The following ZEB2 variants were observed in gnomAD, a reference collection of about 807,000 sequenced individuals.
The protein encoded by ZEB2 is zinc finger E-box-binding homeobox 2.
A neutral mutation model predicts 99.9 loss-of-function variants in ZEB2; 6 were observed. The observed-to-expected ratio is 0.06, with a 90% CI of 0.03 to 0.12. The LOEUF (loss-of-function observed/expected upper bound fraction) is 0.12, where lower values mean the gene tolerates loss of function less well. Among genes scored for constraint, ZEB2 ranks in the 10% least tolerant of loss-of-function variants. ZEB2 has a pLI of 1.00. For missense variants in ZEB2, 969 were observed against 1,502.8 expected (o/e 0.64, Z 5.87); for synonymous variants, 517 against 542.5 (o/e 0.95, Z 0.65).
At position 144,396,554 on chromosome 2, in the gene ZEB2, G is replaced by A; in HGVS notation, c.2925C>T (p.Gly975=). 3.1e-6 allele frequency: 5 copies of A among 1,613,958 alleles called. No homozygotes were observed. Among genetic ancestry groups the A allele is most frequent in the Non-Finnish European group, 4.2e-6 (5 of 1,179,982 alleles). Residue 975 remains glycine (G), a synonymous_variant, in exon 9 of 10, where the codon GGC becomes GGT. Coordinates refer to ENST00000627532, the MANE Select transcript of ZEB2 (RefSeq NM_014795.4). The part of the protein sequence containing the change: ...LLDGAQDYMS[G]LDDMTDSDSC... The stretch of plus-strand genomic sequence containing the variant: ...AGTCGGAGTCTGTCATATCATCTAG[G>A]CCTGACATGTAGTCTTGTGCTCCAT...
chr2:144,504,914 G>A (rs1704931487), intron 2 of ZEB2, among the ~76,000 whole-genome samples: 1 of 152,144 alleles, frequency 6.6e-6, no homozygotes, highest in Admixed American at 6.5e-5. Context: ...TATGATAAGT[G>A]TTGCTGTAAC....
At chr2:144,420,244 C>A (rs1010536162) in intron 4 of ZEB2, among the ~76,000 whole-genome samples, 1 of 152,062 alleles carries the variant, frequency 6.6e-6, no homozygotes, top group Non-Finnish European at 1.5e-5. Flanking sequence ...CTGATTATTA[C>A]TATTTTTGAG....
chr2:144,447,250 G>A (rs1703997854), intron 2 of ZEB2, among the ~76,000 whole-genome samples: 1 of 152,092 alleles, frequency 6.6e-6, no homozygotes, highest in African/African-American at 2.4e-5. Flanking sequence ...TGACTGCACT[G>A]GCTTCCTCTG....
intron 2 of ZEB2, among the ~76,000 whole-genome samples, chr2:144,460,429 G>T (rs1704176578): frequency 6.6e-6 from 1 of 151,884 alleles, no homozygotes; most frequent in Non-Finnish European, 1.5e-5. Flanking sequence ...AGCCCAGCCA[G>T]CCTTATAAGC....
intron 2 of ZEB2, 141 bp downstream of exon 2, chr2:144,517,137 C>G (rs902547826): frequency 1.4e-5 from 13 of 898,256 alleles, no homozygotes; most frequent in African/African-American, 1.3e-4. Flanking sequence ...GCTCCGGCGC[C>G]GGCCGCGGAG....
Position 144,400,356 on chromosome 2 carries a change from A to G in ZEB2, c.917-86T>C, listed in dbSNP as rs553617580. 2.1e-6 allele frequency: 3 copies of G among 1,449,724 alleles called. No homozygotes were observed. The East Asian group carries it at 7.1e-5, about 34-fold the overall frequency. 89.8% of individuals were successfully genotyped at this position (1,449,724 alleles called of 1,614,324 possible). A position where few individuals can be genotyped will look rare whatever the true frequency, so the allele number is the denominator to read the frequency against. On this transcript the variant is annotated intron_variant, in intron 7 of 9. Transcript: ENST00000627532. ...TACCAAGAGAAGAATCTGTGAAACC[A>G]AACAAAAGGAACACAATGGGGTACC...
At position 144,494,675 on chromosome 2, in the gene ZEB2, G is replaced by C. The variant is rs190562618; in HGVS notation, c.73+22603C>G. ...TATTGATTCCTTTGAATTTACAAAT[G>C]CCTGTTTCATAAACTCCATCTCCAA... On this transcript the variant is annotated intron_variant, in intron 2 of 9. Coordinates refer to ENST00000627532, the MANE Select transcript of ZEB2 (RefSeq NM_014795.4). 6 of 152,214 alleles carry C rather than the reference G, an allele frequency of 3.9e-5. No homozygotes were observed. In the East Asian group the frequency reaches 1.2e-3, roughly 29 times the overall value. The allele number at this position is 152,214 out of a possible 1,614,324, so 9.4% of individuals were successfully genotyped here.
chr2:144,494,567 C>T (rs571956827), intron 2 of ZEB2: 6 of 152,126 alleles, frequency 3.9e-5, no homozygotes, highest in Admixed American at 6.5e-5. Flanking sequence ...AGGTAGACAA[C>T]GTAGGAATAT....
intron 2 of ZEB2, among the ~76,000 whole-genome samples, chr2:144,451,440 T>A (rs7596975): frequency 0.98 from 149,267 of 152,362 alleles, 73,191 homozygotes; most frequent in East Asian, 1. Flanking sequence ...GTCTCTTAAA[T>A]TGGTAAGTTA....
chr2:144,401,472 G>T (rs1703309733), intron 6 of ZEB2, among the ~76,000 whole-genome samples, 165 bp from the exon 7 acceptor site: 1 of 152,104 alleles, frequency 6.6e-6, no homozygotes, highest in African/African-American at 2.4e-5. Flanking sequence ...TGATAATGTT[G>T]GTAATAAAAT....
chr2:144,513,935 G>A, intron 2 of ZEB2: 2 of 1,460,712 alleles, frequency 1.4e-6, no homozygotes, highest in Non-Finnish European at 1.8e-6. Flanking sequence ...TCTTGAAACC[G>A]ACACACATTC....
chr2:144,492,604 C>A (rs980869787), intron 2 of ZEB2, among the ~76,000 whole-genome samples: 1 of 152,184 alleles, frequency 6.6e-6, no homozygotes, highest in Non-Finnish European at 1.5e-5. Context: ...TACACTCTTC[C>A]GAGCACCCAC....
chr2:144,414,126 T>A (rs774893151), intron 4 of ZEB2, among the ~76,000 whole-genome samples: 5 of 152,230 alleles, frequency 3.3e-5, no homozygotes, highest in Non-Finnish European at 7.3e-5. Context: ...GGATCTTTAC[T>A]TGGGGTTCAA....
At chr2:144,513,645 C>T (rs1223100785) in intron 2 of ZEB2, 17 of 1,534,016 alleles carry the variant, frequency 1.1e-5, no homozygotes, top group Non-Finnish European at 1.5e-5. Flanking sequence ...TCCCGGGCTC[C>T]GTGGGAGGCA....
Position 144,396,531 on chromosome 2 carries a change from T to C in ZEB2, c.2948A>G (p.Asp983Gly). The change falls in exon 9 of 10, where the codon GAC becomes GGC. Residue 983 changes from aspartate to glycine, a missense_variant. Coordinates refer to ENST00000627532, the MANE Select transcript of ZEB2 (RefSeq NM_014795.4). ...MSGLDDMTDS[D>G]SCLSRKKIKK... ...GATCTTTTTGCGAGACAGACAGGAG[T>C]CGGAGTCTGTCATATCATCTAGGCC... is the stretch of plus-strand genomic sequence containing the variant. 6.2e-7 allele frequency: 1 copy of C among 1,613,626 alleles called. No individual in the cohort carries two copies. Among genetic ancestry groups the C allele is most frequent in the Non-Finnish European group, 8.5e-7 (1 of 1,179,908 alleles).
intron 2 of ZEB2, among the ~76,000 whole-genome samples, chr2:144,452,222 G>A (rs979093412): frequency 3.3e-5 from 5 of 152,108 alleles, no homozygotes; most frequent in African/African-American, 9.7e-5. Flanking sequence ...ATGCCTAGAC[G>A]GGTAGGAAAT....
chr2:144,403,840 A>G, intron 6 of ZEB2, 76 bp downstream of exon 6: 1 of 1,572,186 alleles, frequency 6.4e-7, no homozygotes, highest in Non-Finnish European at 8.7e-7. Flanking sequence ...AAAATTAATA[A>G]TGATTGCCAA....
At chr2:144,490,379 A>G (rs1372586410) in intron 2 of ZEB2, among the ~76,000 whole-genome samples, 19 of 152,168 alleles carry the variant, frequency 1.2e-4, no homozygotes, top group Admixed American at 1.2e-3. Context: ...TGTCATTTTC[A>G]TTATTATTTG....
chr2:144,462,613 C>G (rs898871930), intron 2 of ZEB2: 4 of 152,098 alleles, frequency 2.6e-5, no homozygotes, highest in Non-Finnish European at 4.4e-5. Flanking sequence ...AATGAGCCAT[C>G]TAAACATTTT....
Sources: gnomAD v4.1 joint callset for allele counts (sites outside exome capture counted in the v4.1 genomes callset) on GRCh38, gnomAD v4.1.1 for gene constraint, MANE v1.5 for transcripts, NCBI Gene and HGNC (gene_info 2026-07-23, HGNC 2026-07-21) for gene names.